The following CRYBG1 variants were observed in gnomAD, a reference collection of about 807,000 sequenced individuals.
The protein encoded by CRYBG1 is crystallin beta-gamma domain containing 1.
Under a neutral mutation model 189.2 loss-of-function variants are expected in CRYBG1, and 139 were observed. The observed-to-expected ratio is 0.73, with a 90% CI of 0.64 to 0.85. The LOEUF is 0.85. Among genes scored for constraint, CRYBG1 ranks in the 40% least tolerant of loss-of-function variants. CRYBG1 has a pLI of 0.00. For synonymous variants in CRYBG1, 1,023 were observed against 1,017.1 expected (o/e 1.01, Z -0.11); for missense variants, 2,611 against 2,675.8 (o/e 0.98, Z 0.53).
In CRYBG1 at chr6:106,553,495, A is replaced by G; in HGVS notation, c.5513A>G (p.Gln1838Arg). 1.2e-6 allele frequency: 2 copies of G among 1,614,012 alleles called. No individual in the cohort carries two copies. Among genetic ancestry groups the G allele is most frequent in the Non-Finnish European group, 1.7e-6 (2 of 1,179,854 alleles). Reference protein sequence around the residue: ...FSEPQFQGHSQSFEETTSQID... With the variant: ...FSEPQFQGHSRSFEETTSQID... Reference sequence around the variant, plus strand: ...GAACCACAGTTTCAAGGTCACAGTCAAAGTTTTGAAGAAACAACAAGTCAA... The same window carrying G: ...GAACCACAGTTTCAAGGTCACAGTCGAAGTTTTGAAGAAACAACAAGTCAA... Residue 1838 changes from glutamine to arginine, a missense_variant, in exon 16 of 22, where the codon CAA (glutamine) becomes CGA (arginine). Transcript: ENST00000633556.
At chr6:106,440,268 C>CTCTCTCTT (rs1554235829) in intron 1 of CRYBG1, among the ~76,000 whole-genome samples, 2 of 65,022 alleles carry the variant, frequency 3.1e-5, no homozygotes, top group Non-Finnish European at 6.9e-5. Context: ...CTCTCTCTCT[C>CTCTCTCTT]TTTTTTTTTC....
intron 1 of CRYBG1, among the ~76,000 whole-genome samples, chr6:106,415,432 C>T (rs58031991): frequency 3.2e-3 from 486 of 152,234 alleles, no homozygotes; most frequent in African/African-American, 0.011. Context: ...GCTTAGTATG[C>T]CAGGCATGGT....
intron 8 of CRYBG1, among the ~76,000 whole-genome samples, chr6:106,532,875 CT>C (rs1460248506): frequency 6.6e-6 from 1 of 152,076 alleles, no homozygotes; most frequent in Non-Finnish European, 1.5e-5. Context: ...GAAATTGGGA[CT>C]TTAACAAATA....
chr6:106,381,010 T>C (rs1316992618), intron 1 of CRYBG1, among the ~76,000 whole-genome samples: 1 of 152,196 alleles, frequency 6.6e-6, no homozygotes, highest in Non-Finnish European at 1.5e-5. Context: ...TATGTGTTTA[T>C]TTTAGACACA....
chr6:106,426,677 C>T (rs538257440), intron 1 of CRYBG1, among the ~76,000 whole-genome samples: 1 of 152,136 alleles, frequency 6.6e-6, no homozygotes, highest in Non-Finnish European at 1.5e-5. Context: ...AGAGTCTGCC[C>T]CTGGAGAAGC....
chr6:106,519,719 C>G lies in CRYBG1; in HGVS notation c.2511C>G (p.Asp837Glu). Residue 837 changes from aspartate to glutamate, a missense_variant, in exon 4 of 22, where the codon GAC becomes GAG. Physicochemically the swap from Asp to Glu is conservative, Grantham distance 45 (BLOSUM62 2). This residue lies in a region of CRYBG1 where 1,622 missense variants were observed against 1,735.0 expected (regional missense o/e 0.93). Transcript: ENST00000633556. ...AAAATGTAACCGATACAGCACAAGA[C>G]ATCCCCACCACTGTGGATACCAAAG... Reference protein sequence around the residue: ...VLENVTDTAQDIPTTVDTKDL... With the variant: ...VLENVTDTAQEIPTTVDTKDL... 6.2e-7 allele frequency: 1 copy of G among 1,614,184 alleles called. No individual in the cohort carries two copies. The highest frequency in any genetic ancestry group is 8.5e-7 in the Non-Finnish European group (1 of 1,180,044).
intron 2 of CRYBG1, among the ~76,000 whole-genome samples, chr6:106,480,970 T>TAAGAAAAGAAAAAATTGGC (rs1562081332): frequency 4.7e-3 from 91 of 19,326 alleles, no homozygotes; most frequent in South Asian, 5.9e-3. Flanking sequence ...GACTCTGTCT[T>TAAGAAAAGAAAAAATTGGC]TTTTTTTTTT....
At chr6:106,554,954 C>G (rs1774497833) in intron 16 of CRYBG1, among the ~76,000 whole-genome samples, 1 of 152,092 alleles carries the variant, frequency 6.6e-6, no homozygotes. Context: ...ATCACCAGGT[C>G]AGGATTTCGA....
At chr6:106,505,340 C>T (rs1773108249) in intron 2 of CRYBG1, among the ~76,000 whole-genome samples, 2 of 152,068 alleles carry the variant, frequency 1.3e-5, no homozygotes, top group South Asian at 4.2e-4. Flanking sequence ...AGGATCTGCC[C>T]ACCTTGGCTT....
chr6:106,528,434 C>T (rs774061628), intron 7 of CRYBG1, among the ~76,000 whole-genome samples: 18 of 152,168 alleles, frequency 1.2e-4, no homozygotes, highest in Non-Finnish European at 2.6e-4. Context: ...AGTGTCCCCT[C>T]CCCTTTTATT....
rs1269262975 is a variant in CRYBG1 at position 106,512,419 on chromosome 6, C to T, written c.1302C>T (p.Asp434=). 6.2e-7 allele frequency: 1 copy of T among 1,608,558 alleles called. No individual in the cohort carries two copies. Among genetic ancestry groups the T allele is most frequent in the Non-Finnish European group, 8.5e-7 (1 of 1,178,288 alleles). ...AATCCACCGACTCCCCCGGCGCGGA[C>T]GCCGAGCTCCCTGAGAGCGCTGCCA... ...SQKSTDSPGA[D]AELPESAARD... The change falls in exon 3 of 22, where the codon GAC becomes GAT. Residue 434 remains aspartate (D), a synonymous_variant. Coordinates refer to ENST00000633556, the MANE Select transcript of CRYBG1 (RefSeq NM_001371242.2).
intron 2 of CRYBG1, among the ~76,000 whole-genome samples, chr6:106,478,511 T>A (rs986422745): frequency 2.0e-5 from 3 of 152,214 alleles, no homozygotes; most frequent in Non-Finnish European, 1.5e-5. Flanking sequence ...AGCACACAAA[T>A]CAATGGAAAG....
At chr6:106,564,040 A>G in intron 21 of CRYBG1, 114 bp downstream of exon 21, 1 of 1,136,020 alleles carries the variant, frequency 8.8e-7, no homozygotes, top group Non-Finnish European at 1.3e-6. Flanking sequence ...TAACAGTAAG[A>G]GAGCCCCTAC....
intron 2 of CRYBG1, among the ~76,000 whole-genome samples, chr6:106,473,709 C>T (rs755275233): frequency 5.3e-5 from 8 of 152,170 alleles, no homozygotes; most frequent in East Asian, 1.9e-4. Flanking sequence ...ATTTTAAATA[C>T]GGTAATATTC....
At chr6:106,417,881 G>A (rs1196855035) in intron 1 of CRYBG1, among the ~76,000 whole-genome samples, 1 of 152,268 alleles carries the variant, frequency 6.6e-6, no homozygotes, top group Non-Finnish European at 1.5e-5. Flanking sequence ...ATGTTAGTGT[G>A]CTAATGAGCT....
At chr6:106,517,331 C>CAT (rs1291399490) in intron 3 of CRYBG1, among the ~76,000 whole-genome samples, 4 of 118,816 alleles carry the variant, frequency 3.4e-5, no homozygotes, top group Non-Finnish European at 6.7e-5. Context: ...TATATATACA[C>CAT]ATATATATAT....
At chr6:106,419,884 C>CT (rs1254902398) in intron 1 of CRYBG1, among the ~76,000 whole-genome samples, 3 of 152,312 alleles carry the variant, frequency 2.0e-5, no homozygotes, top group Admixed American at 6.5e-5. Flanking sequence ...ATACAGAAAG[C>CT]TGAAGTTGTC....
At chr6:106,489,041 A>G (rs990388835) in intron 2 of CRYBG1, among the ~76,000 whole-genome samples, 1 of 152,170 alleles carries the variant, frequency 6.6e-6, no homozygotes, top group African/African-American at 2.4e-5. Flanking sequence ...TCCTGCAGCA[A>G]TGACTACTAG....
chr6:106,565,286 A>G (rs1774848983), intron 21 of CRYBG1, among the ~76,000 whole-genome samples: 1 of 151,016 alleles, frequency 6.6e-6, no homozygotes, highest in African/African-American at 2.4e-5. Flanking sequence ...GTGCCACTGC[A>G]CTCCAGCCTA....
Sources: gnomAD v4.1 joint callset for allele counts (sites outside exome capture counted in the v4.1 genomes callset) on GRCh38, gnomAD v4.1.1 for gene constraint, gnomAD v4.1.1 regional missense constraint, MANE v1.5 for transcripts, NCBI Gene and HGNC (gene_info 2026-07-23, HGNC 2026-07-21) for gene names.